CERS6: variants seen among roughly 807,000 people sequenced by gnomAD.
The protein encoded by CERS6 is LAG1 homolog, ceramide synthase 6.
A neutral mutation model predicts 56.8 loss-of-function variants in CERS6; 26 were observed. The ratio of observed to expected loss-of-function variants is 0.46; its 90% CI spans 0.34 to 0.63. The LOEUF (loss-of-function observed/expected upper bound fraction) is 0.63. CERS6 is among the 30% of genes least tolerant of loss of function. CERS6 has a pLI of 0.01. For synonymous variants in CERS6, 164 were observed against 173.3 expected, an observed-to-expected ratio of 0.95 and a Z score of 0.42; for missense variants, 415 against 467.5, an observed-to-expected ratio of 0.89 and a Z score of 1.04.
chr2:168,469,898 G>A (rs767011989), intron 1 of CERS6, among the ~76,000 whole-genome samples: 16 of 152,048 alleles, frequency 1.1e-4, no homozygotes, highest in African/African-American at 3.1e-4. Context: ...ATGAAGATAC[G>A]CAGCCTAAAG....
rs1316713110 is a variant in CERS6 at position 168,646,630 on chromosome 2, G to A, written c.465+15588G>A. 4.6e-5 allele frequency among the ~76,000 whole-genome samples: 7 copies of A among 152,160 alleles called. No individual in the cohort carries two copies. The South Asian group carries it at 1.0e-3, about 23-fold the overall frequency. On this transcript the variant is annotated intron_variant, in intron 4 of 9. Transcript: ENST00000305747. ...CTTTGTGTGTTCCTGTGTCCAGGAT[G>A]GTATCACCTACGTTGTTTTCCAGGG...
intron 1 of CERS6, among the ~76,000 whole-genome samples, chr2:168,475,180 C>A (rs1306922569): frequency 1.3e-5 from 2 of 151,998 alleles, no homozygotes; most frequent in Non-Finnish European, 2.9e-5. Context: ...CATGTATTAA[C>A]ATTTTTTGAC....
chr2:168,763,607 T>G (rs1411545243), intron 8 of CERS6, among the ~76,000 whole-genome samples: 2 of 152,124 alleles, frequency 1.3e-5, no homozygotes, highest in African/African-American at 4.8e-5. Flanking sequence ...TAACCTCTCT[T>G]AAAGCTCTCA....
chr2:168,686,467 T>C (rs201993667), intron 4 of CERS6, among the ~76,000 whole-genome samples: 2 of 97,234 alleles, frequency 2.1e-5, no homozygotes, highest in African/African-American at 7.4e-5. Flanking sequence ...AAAAAAAAAA[T>C]TAAGGAAGGA....
At chr2:168,570,262 G>A (rs1436456732) in intron 3 of CERS6, among the ~76,000 whole-genome samples, 2 of 152,112 alleles carry the variant, frequency 1.3e-5, no homozygotes, top group African/African-American at 4.8e-5. Flanking sequence ...AAAAACCAAC[G>A]CGAGTTCAGA....
At chr2:168,749,604 G>T (rs1045307049) in intron 8 of CERS6, among the ~76,000 whole-genome samples, 1 of 72,222 alleles carries the variant, frequency 1.4e-5, no homozygotes, top group African/African-American at 6.4e-5. Flanking sequence ...AAGTGAGGCT[G>T]CCCTTCTGCA....
At chr2:168,669,402 T>C (rs942998641) in intron 4 of CERS6, among the ~76,000 whole-genome samples, 3 of 152,180 alleles carry the variant, frequency 2.0e-5, no homozygotes, top group African/African-American at 4.8e-5. Flanking sequence ...CAGGGCCCTA[T>C]CTAACTGCAA....
At chr2:168,626,494 G>A (rs1194376626) in intron 3 of CERS6, among the ~76,000 whole-genome samples, 2 of 152,162 alleles carry the variant, frequency 1.3e-5, no homozygotes, top group Non-Finnish European at 1.5e-5. Context: ...AAAGAGCCCT[G>A]TTCAACCTTG....
intron 8 of CERS6, among the ~76,000 whole-genome samples, chr2:168,731,285 C>T (rs186672897): frequency 1.3e-5 from 2 of 152,114 alleles, no homozygotes; most frequent in African/African-American, 2.4e-5. Context: ...CTGTCGTGCT[C>T]TGCAGTCATA....
intron 4 of CERS6, among the ~76,000 whole-genome samples, chr2:168,682,922 G>T (rs140839776): frequency 6.6e-6 from 1 of 152,074 alleles, no homozygotes; most frequent in African/African-American, 2.4e-5. Context: ...TTAAGAAAAC[G>T]TCAACCCTGT....
At chr2:168,458,113 C>A (rs574332693) in intron 1 of CERS6, among the ~76,000 whole-genome samples, 15 of 152,104 alleles carry the variant, frequency 9.9e-5, no homozygotes, top group Non-Finnish European at 1.3e-4. Flanking sequence ...GAACTCTATA[C>A]AGTTTTGCAG....
At chr2:168,536,065 TA>T (rs1349118525) in intron 1 of CERS6, among the ~76,000 whole-genome samples, 4 of 152,184 alleles carry the variant, frequency 2.6e-5, no homozygotes, top group Admixed American at 2.6e-4. Context: ...ACTTTATGGT[TA>T]ATTTCTTGAA....
chr2:168,467,407 T>C (rs546417708), intron 1 of CERS6, among the ~76,000 whole-genome samples: 1 of 152,206 alleles, frequency 6.6e-6, no homozygotes, highest in South Asian at 2.1e-4. Flanking sequence ...TTATGGAAAA[T>C]GGGAGACTAA....
intron 8 of CERS6, among the ~76,000 whole-genome samples, chr2:168,739,405 G>C (rs2105426211): frequency 6.6e-6 from 1 of 152,262 alleles, no homozygotes; most frequent in South Asian, 2.1e-4. Flanking sequence ...TCCGGGAATA[G>C]AGTCTAAGGT....
intron 4 of CERS6, among the ~76,000 whole-genome samples, chr2:168,666,467 C>T (rs926957259): frequency 6.6e-6 from 1 of 152,172 alleles, no homozygotes. Flanking sequence ...TAAGCTTCTT[C>T]CATGTCTGTT....
intron 1 of CERS6, among the ~76,000 whole-genome samples, chr2:168,469,791 A>G (rs72873071): frequency 0.037 from 5,611 of 152,256 alleles, 136 homozygotes; most frequent in Non-Finnish European, 0.06. Context: ...CTGCAATACC[A>G]CTGTCAGACA....
At chr2:168,654,071 C>T (rs545009068) in intron 4 of CERS6, among the ~76,000 whole-genome samples, 1 of 152,172 alleles carries the variant, frequency 6.6e-6, no homozygotes, top group South Asian at 2.1e-4. Context: ...TCATGCATCT[C>T]AGGAATCAAA....
intron 1 of CERS6, among the ~76,000 whole-genome samples, chr2:168,529,769 A>C (rs764164126): frequency 2.6e-5 from 4 of 152,158 alleles, no homozygotes; most frequent in Non-Finnish European, 5.9e-5. Context: ...TTCCTCAGGG[A>C]CATTTTGAGG....
intron 8 of CERS6, among the ~76,000 whole-genome samples, chr2:168,743,216 GTGTGTGTGTATA>G (rs1347354149): frequency 8.0e-6 from 1 of 124,758 alleles, no homozygotes; most frequent in African/African-American, 2.6e-5. Context: ...GTGTGTGTAT[GTGTGTGTGTATA>G]TATATATGTG....
Sources: gnomAD v4.1 joint callset for allele counts (sites outside exome capture counted in the v4.1 genomes callset) on GRCh38, gnomAD v4.1.1 for gene constraint, MANE v1.5 for transcripts, NCBI Gene and HGNC (gene_info 2026-07-23, HGNC 2026-07-21) for gene names.